Variants in WWP2 observed in about 807,000 individuals in gnomAD.
The protein encoded by WWP2 is WW domain containing E3 ubiquitin protein ligase 2.
In WWP2, 57 loss-of-function variants were observed where a neutral mutation model predicts 121.0. The observed-to-expected ratio is 0.47, with a 90% CI of 0.38 to 0.59. The LOEUF is 0.59. Ranked by LOEUF, WWP2 falls within the 20% of genes least tolerant of loss-of-function variation. The pLI, the probability that WWP2 is intolerant of heterozygous loss-of-function variation, is 0.00. For missense variants in WWP2, 962 were observed against 1,158.9 expected (o/e 0.83, Z 2.47); for synonymous variants, 449 against 441.3 (o/e 1.02, Z -0.22).
chr16:69,860,189 G>A lies in WWP2; in HGVS notation c.576-11615G>A, dbSNP rs148442810. Among the ~76,000 whole-genome samples the A allele has an allele frequency of 2.2e-3, 339 of 152,196 alleles. 2 individuals are homozygous for A. The highest frequency in any genetic ancestry group is 5.8e-3 in the South Asian group (28 of 4,816). On this transcript the variant is annotated intron_variant, in intron 6 of 23. Transcript: ENST00000359154. ...AAAAATTAGCCAGGCGTGGTGGTCC[G>A]ATTCCATTCTTTAAAGGAGTCGGGG...
intron 10 of WWP2, among the ~76,000 whole-genome samples, chr16:69,918,110 C>T (rs773130140): frequency 4.6e-5 from 7 of 152,208 alleles, no homozygotes; most frequent in African/African-American, 7.2e-5. Flanking sequence ...ATCAACGTGT[C>T]TAAAACTGAA....
chr16:69,844,360 G>A (rs2057031541), intron 6 of WWP2, among the ~76,000 whole-genome samples: 1 of 152,186 alleles, frequency 6.6e-6, no homozygotes, highest in Admixed American at 6.5e-5. Context: ...AGAGAGGAAG[G>A]AATACTTGAG....
rs139932753 is a variant in WWP2, at chr16:69,871,872, G to A, written c.644G>A (p.Arg215Gln). The change falls in exon 7 of 24, where the codon CGG (arginine) becomes CAG (glutamine). Residue 215 changes from arginine to glutamine, a missense_variant. Arg to Gln is a conservative substitution (Grantham distance 43). This residue lies in a region of WWP2 where 211 missense variants were observed against 196.5 expected (regional missense o/e 1.07). Coordinates refer to ENST00000359154, the MANE Select transcript of WWP2 (RefSeq NM_001270454.2). Reference sequence around the variant, plus strand: ...ACCGGCGAGCAAAGCCCCGGTGCTCGGAGCCGGCACCGCCAGCCCGTCAAG... The same window carrying A: ...ACCGGCGAGCAAAGCCCCGGTGCTCAGAGCCGGCACCGCCAGCCCGTCAAG... ...PATGEQSPGA[R>Q]SRHRQPVKNS... 2.4e-5 allele frequency: 38 copies of A among 1,614,082 alleles called. No individual in the cohort carries two copies. Among genetic ancestry groups the A allele is most frequent in the South Asian group, 5.5e-5 (5 of 91,084 alleles).
chr16:69,861,713 A>G (rs1276529657), intron 6 of WWP2, among the ~76,000 whole-genome samples: 2 of 142,288 alleles, frequency 1.4e-5, no homozygotes, highest in Non-Finnish European at 3.0e-5. Flanking sequence ...AGGTGGGAGT[A>G]GGTTTATTTA....
In WWP2 at chr16:69,802,695, G is replaced by A. The variant is rs144635303; in HGVS notation, c.340+3400G>A. On this transcript the variant is annotated intron_variant, in intron 4 of 23. Coordinates refer to ENST00000359154, the MANE Select transcript of WWP2 (RefSeq NM_001270454.2). Reference sequence around the variant, plus strand: ...GGCTCACTGCAACCCCTGTCTCCTGGGTTCAAGTGATTCTCCTGCCTCAAG... The same window carrying A: ...GGCTCACTGCAACCCCTGTCTCCTGAGTTCAAGTGATTCTCCTGCCTCAAG... Among the ~76,000 whole-genome samples, 5 of 151,854 alleles carry A rather than the reference G, an allele frequency of 3.3e-5. No individual in the cohort carries two copies. In the East Asian group the frequency reaches 9.7e-4, roughly 29 times the overall value.
At chr16:69,931,473 G>C in intron 14 of WWP2, 36 bp from the exon 15 acceptor site, 1 of 1,612,480 alleles carries the variant, frequency 6.2e-7, no homozygotes, top group South Asian at 1.1e-5. Context: ...ACCACTTGAG[G>C]CTCGATTTAA....
rs543648291 is a variant in WWP2 at position 69,858,228 on chromosome 16, T to G, written c.576-13576T>G. On this transcript the variant is annotated intron_variant, in intron 6 of 23. Coordinates refer to ENST00000359154, the MANE Select transcript of WWP2 (RefSeq NM_001270454.2). ...GTTATTTCTTCCACCTGGTTTGTGG[T>G]TTTTTTGGGGAGGAAGGGGCTTGGG... 2.0e-4 allele frequency among the ~76,000 whole-genome samples: 30 copies of G among 152,268 alleles called. No individual in the cohort carries two copies. The East Asian group carries it at 5.8e-3, about 29-fold the overall frequency.
intron 7 of WWP2, among the ~76,000 whole-genome samples, chr16:69,872,451 T>C (rs77560846): frequency 0.043 from 6,529 of 152,240 alleles, 409 homozygotes; most frequent in African/African-American, 0.14. Flanking sequence ...CTCCTGACCT[T>C]GTGATCGCCC....
intron 7 of WWP2, among the ~76,000 whole-genome samples, chr16:69,872,876 CCT>C (rs1216768856): frequency 6.6e-6 from 1 of 152,224 alleles, no homozygotes; most frequent in African/African-American, 2.4e-5. Context: ...TCCTGCTCTC[CCT>C]CTCTCTCATC....
At position 69,897,119 on chromosome 16, in the gene WWP2, G is replaced by C. The variant is rs906765526; in HGVS notation, c.914+8870G>C. Among the ~76,000 whole-genome samples, 14 of 149,510 alleles carry C rather than the reference G, an allele frequency of 9.4e-5. No individual in the cohort carries two copies. The East Asian group carries it at 2.8e-3, about 30-fold the overall frequency. ...CTTTTTTTTTTTGTTTGTGTGTTTTGTTTTTGAGACAGAATCTGTGTCACC... is the reference window on the plus strand; with the variant it reads ...CTTTTTTTTTTTGTTTGTGTGTTTTCTTTTTGAGACAGAATCTGTGTCACC... On this transcript the variant is annotated intron_variant, in intron 8 of 23. Coordinates refer to ENST00000359154, the MANE Select transcript of WWP2 (RefSeq NM_001270454.2).
At chr16:69,762,696 A>G (rs568926084) in intron 1 of WWP2, among the ~76,000 whole-genome samples, 41 of 152,252 alleles carry the variant, frequency 2.7e-4, no homozygotes, top group African/African-American at 8.4e-4. Flanking sequence ...GTTCCCAGGC[A>G]TGGAGAGGAG....
intron 7 of WWP2, among the ~76,000 whole-genome samples, chr16:69,883,701 A>C (rs902322200): frequency 6.6e-6 from 1 of 152,124 alleles, no homozygotes; most frequent in South Asian, 2.1e-4. Context: ...TCGGTTAGCC[A>C]TTCTTTCTGA....
At chr16:69,920,644 A>G (rs2058546970) in intron 10 of WWP2, among the ~76,000 whole-genome samples, 1 of 151,912 alleles carries the variant, frequency 6.6e-6, no homozygotes, top group South Asian at 2.1e-4. Context: ...ATGGAACCGA[A>G]TGTTGTGGTG....
intron 10 of WWP2, among the ~76,000 whole-genome samples, chr16:69,918,717 A>G (rs2058511340): frequency 1.3e-5 from 2 of 152,054 alleles, no homozygotes; most frequent in African/African-American, 4.8e-5. Flanking sequence ...CTCTCTTCCA[A>G]TCCATCTGGC....
intron 6 of WWP2, among the ~76,000 whole-genome samples, chr16:69,864,890 G>C (rs1484532831): frequency 6.6e-6 from 1 of 152,138 alleles, no homozygotes; most frequent in East Asian, 1.9e-4. Flanking sequence ...GGGGTTACAG[G>C]CGTGAGCCAC....
At chr16:69,891,764 A>G (rs2058032508) in intron 8 of WWP2, among the ~76,000 whole-genome samples, 1 of 152,132 alleles carries the variant, frequency 6.6e-6, no homozygotes, top group Non-Finnish European at 1.5e-5. Flanking sequence ...AGTTCCATGT[A>G]GCTATCTCAA....
In WWP2 at chr16:69,787,100, G is replaced by A; in HGVS notation, c.70+20G>A. 1.2e-6 allele frequency: 2 copies of A among 1,600,322 alleles called. No individual in the cohort carries two copies. The highest frequency in any genetic ancestry group is 1.7e-6 in the Non-Finnish European group (2 of 1,173,144). ...TGAAAGGTGAGTGGCACTGTATAATGTCTTCATCTTGTCTACGCCCAGGGA... is the reference window on the plus strand; with the variant it reads ...TGAAAGGTGAGTGGCACTGTATAATATCTTCATCTTGTCTACGCCCAGGGA... On this transcript the variant is annotated intron_variant, in intron 2 of 23. Transcript: ENST00000359154.
intron 4 of WWP2, among the ~76,000 whole-genome samples, chr16:69,814,743 A>G (rs558285578): frequency 4.0e-4 from 61 of 152,214 alleles, no homozygotes; most frequent in African/African-American, 1.4e-3. Context: ...CTCCTCCCTT[A>G]TTGCTCCGTG....
chr16:69,833,171 C>T lies in WWP2; in HGVS notation c.341-6955C>T, dbSNP rs148201987. On this transcript the variant is annotated intron_variant, in intron 4 of 23. Coordinates refer to ENST00000359154, the MANE Select transcript of WWP2 (RefSeq NM_001270454.2). Reference sequence around the variant, plus strand: ...ACTGTGCTCAGCCTTTTTAAGCCATCGGTTTGTCTGAGTCAGGAACCAAAC... The same window carrying T: ...ACTGTGCTCAGCCTTTTTAAGCCATTGGTTTGTCTGAGTCAGGAACCAAAC... Among the ~76,000 whole-genome samples the T allele has an allele frequency of 7.9e-5, 12 of 152,342 alleles. No homozygotes were observed. In the East Asian group the frequency reaches 9.6e-4, roughly 12 times the overall value.
Sources: gnomAD v4.1 joint callset for allele counts (sites outside exome capture counted in the v4.1 genomes callset) on GRCh38, gnomAD v4.1.1 for gene constraint, gnomAD v4.1.1 regional missense constraint, MANE v1.5 for transcripts, NCBI Gene and HGNC (gene_info 2026-07-23, HGNC 2026-07-21) for gene names.